DLC1: variants seen among roughly 807,000 people sequenced by gnomAD.
The protein encoded by DLC1 is rho GTPase-activating protein 7.
In DLC1, 54 loss-of-function variants were observed where a neutral mutation model predicts 140.3. That is an observed-to-expected ratio of 0.38 (90% CI 0.31 to 0.48). DLC1 has a LOEUF of 0.48. Among genes scored for constraint, DLC1 ranks in the 20% least tolerant of loss-of-function variants. The probability of loss-of-function intolerance (pLI) is 0.96; values close to 1 mark genes in which losing one functional copy is unlikely to be tolerated. For missense variants in DLC1, 2,536 were observed against 1,907.0 expected, an observed-to-expected ratio of 1.33 and a Z score of -6.14; for synonymous variants, 986 against 728.1, an observed-to-expected ratio of 1.35 and a Z score of -5.70.
At chr8:13,512,929 T>C (rs1052173286) in intron 1 of DLC1, among the ~76,000 whole-genome samples, 1 of 151,290 alleles carries the variant, frequency 6.6e-6, no homozygotes, top group African/African-American at 2.4e-5. Flanking sequence ...AGTTAGGATT[T>C]TTTTCCCCAC....
chr8:13,368,775 G>C (rs183646330), intron 4 of DLC1, among the ~76,000 whole-genome samples: 8 of 152,262 alleles, frequency 5.3e-5, no homozygotes, highest in Non-Finnish European at 7.4e-5. Context: ...GTAAGGATAA[G>C]TGATATGGAT....
chr8:13,366,901 G>A (rs1835509380), intron 4 of DLC1, among the ~76,000 whole-genome samples: 1 of 152,048 alleles, frequency 6.6e-6, no homozygotes, highest in Admixed American at 6.6e-5. Flanking sequence ...TGGAATTGCT[G>A]GGCTCTTGCA....
chr8:13,194,286 A>G (rs1563154468), intron 5 of DLC1, among the ~76,000 whole-genome samples: 1 of 152,248 alleles, frequency 6.6e-6, no homozygotes. Context: ...CCCTTATGCC[A>G]ATAGCTATGT....
intron 5 of DLC1, chr8:13,276,591 A>G: frequency 7.9e-7 from 1 of 1,261,726 alleles, no homozygotes; most frequent in Non-Finnish European, 9.9e-7. Flanking sequence ...CGGCGGCCAC[A>G]TCTGGAAAGA....
At chr8:13,264,948 A>G (rs1161302206) in intron 5 of DLC1, among the ~76,000 whole-genome samples, 1 of 152,230 alleles carries the variant, frequency 6.6e-6, no homozygotes, top group Non-Finnish European at 1.5e-5. Context: ...TCACTTTACA[A>G]AAGCAATTAG....
intron 1 of DLC1, among the ~76,000 whole-genome samples, chr8:13,545,007 C>T (rs1208392649): frequency 6.6e-6 from 1 of 152,072 alleles, no homozygotes; most frequent in Non-Finnish European, 1.5e-5. Flanking sequence ...GTACTGCAGC[C>T]CTGTCCACAG....
intron 1 of DLC1, among the ~76,000 whole-genome samples, chr8:13,551,110 A>G (rs1803834609): frequency 6.7e-6 from 1 of 150,118 alleles, no homozygotes; most frequent in African/African-American, 2.4e-5. Context: ...TTTGTGAGGA[A>G]TATTCATTTG....
At chr8:13,434,972 G>A (rs982795527) in intron 2 of DLC1, among the ~76,000 whole-genome samples, 12 of 151,004 alleles carry the variant, frequency 7.9e-5, no homozygotes, top group African/African-American at 2.5e-4. Context: ...GACCCCCCCC[G>A]GCTCACCCTC....
chr8:13,442,628 A>C (rs1434547584), intron 2 of DLC1, among the ~76,000 whole-genome samples: 1 of 152,264 alleles, frequency 6.6e-6, no homozygotes, highest in Non-Finnish European at 1.5e-5. Context: ...TGGCCATCAG[A>C]GAAATGCAAA....
chr8:13,570,825 TA>T (rs1319661135), intron 1 of DLC1, among the ~76,000 whole-genome samples: 1 of 152,102 alleles, frequency 6.6e-6, no homozygotes, highest in East Asian at 1.9e-4. Flanking sequence ...GAAAGAATAT[TA>T]GAAAGTTTAG....
intron 5 of DLC1, among the ~76,000 whole-genome samples, chr8:13,295,968 T>TA (rs1554491609): frequency 2.1e-5 from 3 of 142,272 alleles, no homozygotes; most frequent in African/African-American, 8.1e-5. Flanking sequence ...TTTTTTTTTT[T>TA]TGGAGACAGA....
intron 4 of DLC1, among the ~76,000 whole-genome samples, chr8:13,371,008 A>G (rs1019952395): frequency 5.3e-5 from 8 of 152,156 alleles, no homozygotes; most frequent in African/African-American, 1.9e-4. Flanking sequence ...CTGCCACACC[A>G]TACGAACTAA....
intron 5 of DLC1, among the ~76,000 whole-genome samples, chr8:13,179,631 G>A (rs2116969100): frequency 6.6e-6 from 1 of 152,068 alleles, no homozygotes; most frequent in African/African-American, 2.4e-5. Context: ...TGAGGTAGGA[G>A]GATTGCTTGA....
At chr8:13,244,101 C>G (rs1378277382) in intron 5 of DLC1, among the ~76,000 whole-genome samples, 4 of 152,118 alleles carry the variant, frequency 2.6e-5, no homozygotes, top group Non-Finnish European at 5.9e-5. Context: ...TGAGTAATCC[C>G]CAGGCACTAA....
intron 16 of DLC1, among the ~76,000 whole-genome samples, chr8:13,087,170 G>A (rs1280490148): frequency 6.6e-6 from 1 of 152,326 alleles, no homozygotes; most frequent in African/African-American, 2.4e-5. Flanking sequence ...GGAGGTTGAG[G>A]TAGGAGGATC....
At chr8:13,280,055 G>T (rs1831311005) in intron 5 of DLC1, among the ~76,000 whole-genome samples, 1 of 151,596 alleles carries the variant, frequency 6.6e-6, no homozygotes, top group Admixed American at 6.6e-5. Context: ...CGAGGTGCAT[G>T]GATCATGAGG....
At chr8:13,453,797 C>T (rs1011956597) in intron 2 of DLC1, among the ~76,000 whole-genome samples, 11 of 151,306 alleles carry the variant, frequency 7.3e-5, no homozygotes, top group African/African-American at 2.2e-4. Flanking sequence ...TTCATTATAA[C>T]GATGTCTTCT....
intron 5 of DLC1, among the ~76,000 whole-genome samples, chr8:13,156,090 A>G (rs1236906171): frequency 6.6e-6 from 1 of 152,194 alleles, no homozygotes; most frequent in Non-Finnish European, 1.5e-5. Flanking sequence ...AGGTACATCA[A>G]CCCATCAAAC....
chr8:13,594,918 A>G (rs1433100033), intron 1 of DLC1, among the ~76,000 whole-genome samples: 4 of 151,868 alleles, frequency 2.6e-5, no homozygotes, highest in African/African-American at 9.7e-5. Context: ...GAGATTGTGG[A>G]AGTTGATGTT....
Sources: gnomAD v4.1 joint callset for allele counts (sites outside exome capture counted in the v4.1 genomes callset) on GRCh38, gnomAD v4.1.1 for gene constraint, MANE v1.5 for transcripts, NCBI Gene and HGNC (gene_info 2026-07-23, HGNC 2026-07-21) for gene names.